The following GPR137B variants were observed in gnomAD, a reference collection of about 807,000 sequenced individuals.
GPR137B encodes integral membrane protein GPR137B.
A neutral mutation model predicts 42.5 loss-of-function variants in GPR137B; 42 were observed. The observed-to-expected ratio is 0.99, with a 90% CI of 0.77 to 1.28. The LOEUF is 1.28. Ranked by LOEUF, GPR137B falls within the 50% of genes most tolerant of loss-of-function variation. GPR137B has a pLI of 0.00. For missense variants in GPR137B, 487 were observed against 493.9 expected (o/e 0.99, Z 0.13); for synonymous variants, 218 against 209.7 (o/e 1.04, Z -0.34).
chr1:236,187,707 G>GTACCATGCTGTTTTGGTACCAT (rs1663073793), intron 5 of GPR137B, among the ~76,000 whole-genome samples: 1 of 148,816 alleles, frequency 6.7e-6, no homozygotes, highest in Non-Finnish European at 1.5e-5. Context: ...TTTGGTACCA[G>GTACCATGCTGTTTTGGTACCAT]TACCATGCTG....
chr1:236,207,046 T>G, intron 6 of GPR137B: 1 of 565,216 alleles, frequency 1.8e-6, no homozygotes, highest in Non-Finnish European at 2.2e-6. Flanking sequence ...ATAAAAAATA[T>G]ATGCTTGCCT....
At chr1:236,159,145 TA>T (rs1439979623) in intron 1 of GPR137B, among the ~76,000 whole-genome samples, 1 of 151,910 alleles carries the variant, frequency 6.6e-6, no homozygotes, top group African/African-American at 2.4e-5. Context: ...ACATCATCTC[TA>T]AAAAATAAGA....
intron 4 of GPR137B, among the ~76,000 whole-genome samples, chr1:236,181,332 C>T (rs924757052): frequency 6.1e-5 from 9 of 148,340 alleles, no homozygotes; most frequent in Admixed American, 3.3e-4. Context: ...ATTTGACAAA[C>T]AGCATTTTTT....
intron 5 of GPR137B, among the ~76,000 whole-genome samples, chr1:236,200,165 C>G (rs115043220): frequency 0.011 from 1,708 of 152,008 alleles, 50 homozygotes; most frequent in African/African-American, 0.032. Flanking sequence ...TTTGAGGGTT[C>G]CTTTTGGAGT....
At chr1:236,205,371 C>A in intron 6 of GPR137B, 121 bp downstream of exon 6, 1 of 777,846 alleles carries the variant, frequency 1.3e-6, no homozygotes, top group Non-Finnish European at 2.1e-6. Flanking sequence ...TGGTATAAGA[C>A]TGGATTCTCA....
intron 5 of GPR137B, among the ~76,000 whole-genome samples, chr1:236,186,262 T>A (rs77758810): frequency 0.013 from 305 of 22,654 alleles, 10 homozygotes; most frequent in Non-Finnish European, 0.022. Context: ...ATAATATATA[T>A]TATATATTAT....
In GPR137B at chr1:236,155,981, G is replaced by A. The variant is rs536881026; in HGVS notation, c.415-12725G>A. ...CAAACGCACACACATGCACACACAC[G>A]CGCGCGCGCAAACACACATGCATAC... is the stretch of plus-strand genomic sequence containing the variant. On this transcript the variant is annotated intron_variant, in intron 1 of 6. Coordinates refer to ENST00000366592, the MANE Select transcript of GPR137B (RefSeq NM_003272.4). The surrounding 1 kb of genome is among the most constrained non-coding windows in gnomAD (Gnocchi z 4.6). Among the ~76,000 whole-genome samples the A allele has an allele frequency of 5.9e-5, 9 of 152,140 alleles. No individual in the cohort carries two copies. Among genetic ancestry groups the A allele is most frequent in the African/African-American group, 9.6e-5 (4 of 41,482 alleles).
intron 5 of GPR137B, among the ~76,000 whole-genome samples, chr1:236,188,437 A>C (rs1411098558): frequency 1.3e-5 from 2 of 152,174 alleles, no homozygotes; most frequent in African/African-American, 2.4e-5. Context: ...TTACCCATTC[A>C]GTATGGTATT....
Position 236,150,862 on chromosome 1 carries a change from C to T in GPR137B, c.414+7826C>T, listed in dbSNP as rs540875431. ...AGTTCCAGGGCCCAGCCATGGCTGT[C>T]CCGCTGCTGCTGTGCCCACCCTCTG... On this transcript the variant is annotated intron_variant, in intron 1 of 6. Coordinates refer to ENST00000366592, the MANE Select transcript of GPR137B (RefSeq NM_003272.4). This position sits in a 1 kb window ranked among gnomAD's most constrained non-coding sequence, Gnocchi z 6.2. Among the ~76,000 whole-genome samples, 2 of 152,300 alleles carry T rather than the reference C, an allele frequency of 1.3e-5. No individual in the cohort carries two copies. The highest frequency in any genetic ancestry group is 6.5e-5 in the Admixed American group (1 of 15,308).
intron 2 of GPR137B, among the ~76,000 whole-genome samples, chr1:236,172,503 G>A (rs1354331014): frequency 6.6e-6 from 1 of 152,148 alleles, no homozygotes; most frequent in African/African-American, 2.4e-5. Flanking sequence ...ACATCTGCTA[G>A]CTCAGAGTTT....
At chr1:236,197,199 A>G (rs1218120415) in intron 5 of GPR137B, among the ~76,000 whole-genome samples, 1 of 151,796 alleles carries the variant, frequency 6.6e-6, no homozygotes, top group Non-Finnish European at 1.5e-5. Context: ...AGAATTGTCT[A>G]TTCATGTCCT....
intron 1 of GPR137B, among the ~76,000 whole-genome samples, chr1:236,146,678 C>T (rs546542247): frequency 1.8e-4 from 27 of 152,228 alleles, no homozygotes; most frequent in Non-Finnish European, 4.0e-4. Flanking sequence ...CTTGGGTACA[C>T]ATCTGAGGGT....
chr1:236,165,911 C>A (rs188366784), intron 1 of GPR137B, among the ~76,000 whole-genome samples: 52 of 152,278 alleles, frequency 3.4e-4, no homozygotes, highest in Admixed American at 1.1e-3. Flanking sequence ...TAAATTCTTA[C>A]AAGTGGAATT....
chr1:236,192,935 C>T (rs558186411), intron 5 of GPR137B, among the ~76,000 whole-genome samples: 5 of 152,014 alleles, frequency 3.3e-5, no homozygotes, highest in Non-Finnish European at 7.3e-5. Flanking sequence ...GGCTCTGTCA[C>T]CCAGGCTGGA....
At chr1:236,168,313 C>T (rs1338342104) in intron 1 of GPR137B, among the ~76,000 whole-genome samples, 1 of 151,562 alleles carries the variant, frequency 6.6e-6, no homozygotes, top group Non-Finnish European at 1.5e-5. Context: ...ATCCCAGCTA[C>T]TTGGGAGGCT....
chr1:236,175,501 C>T (rs965579982), intron 2 of GPR137B, among the ~76,000 whole-genome samples: 12 of 152,186 alleles, frequency 7.9e-5, no homozygotes, highest in Non-Finnish European at 1.8e-4. Flanking sequence ...TGTGTGTACA[C>T]GCGGGTTCTG....
intron 2 of GPR137B, among the ~76,000 whole-genome samples, chr1:236,174,846 CAG>C (rs1662638756): frequency 6.6e-6 from 1 of 151,836 alleles, no homozygotes; most frequent in Non-Finnish European, 1.5e-5. Context: ...GACCCCAACT[CAG>C]AAAAAAAGGA....
At chr1:236,175,635 C>T (rs1662664712) in intron 2 of GPR137B, among the ~76,000 whole-genome samples, 1 of 152,182 alleles carries the variant, frequency 6.6e-6, no homozygotes, top group African/African-American at 2.4e-5. Flanking sequence ...TCTCTCTCCA[C>T]AGCTCCTTTG....
chr1:236,159,145 T>TA (rs1439979623), intron 1 of GPR137B, among the ~76,000 whole-genome samples: 3 of 151,910 alleles, frequency 2.0e-5, no homozygotes, highest in Admixed American at 1.3e-4. Flanking sequence ...ACATCATCTC[T>TA]AAAAAATAAG....
Sources: allele counts gnomAD v4.1 joint callset (sites outside exome capture counted in the v4.1 genomes callset), GRCh38; gene constraint gnomAD v4.1.1; non-coding constraint Gnocchi (gnomAD v3.1); transcripts MANE v1.5; gene names NCBI Gene and HGNC (gene_info 2026-07-23, HGNC 2026-07-21).